Variants in LRMDA observed in about 807,000 individuals in gnomAD.
LRMDA encodes leucine-rich melanocyte differentiation-associated protein.
In LRMDA, 18 loss-of-function variants were observed where a neutral mutation model predicts 29.8. The ratio of observed to expected loss-of-function variants is 0.60; its 90% CI spans 0.42 to 0.90. The LOEUF (loss-of-function observed/expected upper bound fraction) is 0.90. Among genes scored for constraint, LRMDA ranks in the 40% least tolerant of loss-of-function variants. The pLI is 0.00. For synonymous variants in LRMDA, 125 were observed against 109.4 expected, an observed-to-expected ratio of 1.14 and a Z score of -0.89; for missense variants, 273 against 273.9, an observed-to-expected ratio of 1.00 and a Z score of 0.02.
At chr10:76,428,067 T>C (rs1342400210) in intron 6 of LRMDA, among the ~76,000 whole-genome samples, 1 of 151,878 alleles carries the variant, frequency 6.6e-6, no homozygotes, top group African/African-American at 2.4e-5. Context: ...AAAATTCTCT[T>C]TTTTTTTGTT....
At chr10:76,206,250 T>C (rs982526339) in intron 5 of LRMDA, among the ~76,000 whole-genome samples, 3 of 152,186 alleles carry the variant, frequency 2.0e-5, no homozygotes, top group Admixed American at 2.0e-4. Context: ...TGGAACCTCT[T>C]ACGACGTTGT....
chr10:76,123,597 C>G (rs1160497645), intron 5 of LRMDA, among the ~76,000 whole-genome samples: 1 of 152,166 alleles, frequency 6.6e-6, no homozygotes, highest in Non-Finnish European at 1.5e-5. Flanking sequence ...ACCATTGATA[C>G]TGTTATTGTT....
At chr10:76,272,501 A>C (rs1840080516) in intron 5 of LRMDA, among the ~76,000 whole-genome samples, 1 of 152,164 alleles carries the variant, frequency 6.6e-6, no homozygotes, top group African/African-American at 2.4e-5. Context: ...AAATGCATTA[A>C]ATTCGGTTTA....
At chr10:75,438,029 G>A (rs1463335196) in intron 1 of LRMDA, among the ~76,000 whole-genome samples, 1 of 152,216 alleles carries the variant, frequency 6.6e-6, no homozygotes, top group Non-Finnish European at 1.5e-5. Flanking sequence ...GGGAGAAGAA[G>A]GGGCAGAGGA....
chr10:76,026,384 A>G (rs1848063198), intron 2 of LRMDA, among the ~76,000 whole-genome samples: 1 of 152,188 alleles, frequency 6.6e-6, no homozygotes, highest in Admixed American at 6.5e-5. Flanking sequence ...CAGGTAGGCC[A>G]CTTTACCTCT....
intron 2 of LRMDA, among the ~76,000 whole-genome samples, chr10:75,665,017 C>A (rs934367248): frequency 1.3e-5 from 2 of 152,160 alleles, no homozygotes; most frequent in African/African-American, 4.8e-5. Context: ...CTTTCCCTGG[C>A]CCATCCAACT....
At chr10:76,282,406 T>C (rs1390023094) in intron 5 of LRMDA, among the ~76,000 whole-genome samples, 1 of 152,212 alleles carries the variant, frequency 6.6e-6, no homozygotes, top group East Asian at 1.9e-4. Context: ...ACAGTGGCTA[T>C]TATGAAAGTA....
intron 2 of LRMDA, among the ~76,000 whole-genome samples, chr10:75,513,213 A>G (rs1242801448): frequency 1.3e-5 from 2 of 152,172 alleles, no homozygotes; most frequent in East Asian, 1.9e-4. Flanking sequence ...ACTCCGGTGT[A>G]ACAAACTTCA....
chr10:76,001,960 A>G (rs531750307), intron 2 of LRMDA, among the ~76,000 whole-genome samples: 1 of 152,286 alleles, frequency 6.6e-6, no homozygotes, highest in South Asian at 2.1e-4. Context: ...GGGCTCAAGA[A>G]GAACTGCCGT....
intron 2 of LRMDA, among the ~76,000 whole-genome samples, chr10:75,886,086 C>T (rs1245562553): frequency 2.0e-5 from 3 of 152,190 alleles, no homozygotes; most frequent in Non-Finnish European, 4.4e-5. Flanking sequence ...GCTTTCCTTC[C>T]ACCCCTAAGC....
chr10:75,435,503 T>G (rs148642572), intron 1 of LRMDA, among the ~76,000 whole-genome samples: 4 of 152,376 alleles, frequency 2.6e-5, no homozygotes, highest in African/African-American at 9.6e-5. Flanking sequence ...TCTAAAAGCT[T>G]CTACTTTACC....
intron 2 of LRMDA, among the ~76,000 whole-genome samples, chr10:75,639,915 A>T (rs2132118661): frequency 6.6e-6 from 1 of 152,324 alleles, no homozygotes; most frequent in South Asian, 2.1e-4. Flanking sequence ...CATTCTGGGA[A>T]GAGACAGCTG....
intron 5 of LRMDA, among the ~76,000 whole-genome samples, chr10:76,188,965 C>T (rs1465403556): frequency 6.8e-6 from 1 of 147,334 alleles, no homozygotes; most frequent in Non-Finnish European, 1.5e-5. Context: ...CACACACACA[C>T]ACACAGTTCT....
chr10:75,991,122 T>A (rs576810552), intron 2 of LRMDA, among the ~76,000 whole-genome samples: 2 of 152,178 alleles, frequency 1.3e-5, no homozygotes, highest in South Asian at 2.1e-4. Context: ...AGAACTCGGG[T>A]ATGGCAAGCA....
At chr10:76,307,262 A>G (rs1048702059) in intron 5 of LRMDA, among the ~76,000 whole-genome samples, 12 of 152,200 alleles carry the variant, frequency 7.9e-5, no homozygotes, top group Non-Finnish European at 1.3e-4. Context: ...ACTTTATGAT[A>G]TCTGCAAGAC....
intron 2 of LRMDA, among the ~76,000 whole-genome samples, chr10:75,611,119 C>A (rs1274182377): frequency 6.6e-6 from 1 of 152,056 alleles, no homozygotes; most frequent in Non-Finnish European, 1.5e-5. Context: ...GGGCAAGGAC[C>A]CCTAGAGAGA....
At chr10:76,058,401 G>A (rs758277789) in intron 4 of LRMDA, among the ~76,000 whole-genome samples, 12 of 151,510 alleles carry the variant, frequency 7.9e-5, no homozygotes, top group Non-Finnish European at 1.5e-4. Context: ...GCTAACCCAC[G>A]TGTGTGTGTG....
intron 2 of LRMDA, among the ~76,000 whole-genome samples, chr10:75,931,482 G>A (rs1846204495): frequency 6.6e-6 from 1 of 152,102 alleles, no homozygotes; most frequent in Non-Finnish European, 1.5e-5. Context: ...TATCAGCGGG[G>A]GAATCATCTC....
At chr10:75,557,515 T>G (rs777339323) in intron 2 of LRMDA, among the ~76,000 whole-genome samples, 20 of 152,146 alleles carry the variant, frequency 1.3e-4, no homozygotes, top group Admixed American at 3.3e-4. Flanking sequence ...GTTCTAGCCC[T>G]GCAACATTGA....
Sources: allele counts gnomAD v4.1 joint callset (sites outside exome capture counted in the v4.1 genomes callset), GRCh38; gene constraint gnomAD v4.1.1; transcripts MANE v1.5; gene names NCBI Gene and HGNC (gene_info 2026-07-23, HGNC 2026-07-21).